The following AGTR1 variants were observed in gnomAD, a reference collection of about 807,000 sequenced individuals.
AGTR1 encodes angiotensin II receptor type 1, also known as type-1 angiotensin II receptor.
In AGTR1, 16 loss-of-function variants were observed where a neutral mutation model predicts 19.4. The ratio of observed to expected loss-of-function variants is 0.82; its 90% CI spans 0.56 to 1.25. The LOEUF (loss-of-function observed/expected upper bound fraction) is 1.25. Ranked by LOEUF, AGTR1 falls within the 50% of genes most tolerant of loss-of-function variation. The pLI is 0.00. For synonymous variants in AGTR1, 153 were observed against 154.9 expected (o/e 0.99, Z 0.09); for missense variants, 373 against 431.9 (o/e 0.86, Z 1.21).
intron 1 of AGTR1, among the ~76,000 whole-genome samples, chr3:148,704,169 T>A (rs1712521525): frequency 6.6e-6 from 1 of 151,956 alleles, no homozygotes; most frequent in South Asian, 2.1e-4. Context: ...GGCAACAAAC[T>A]GAGACCCCCA....
In AGTR1 at chr3:148,742,054, G is replaced by T. The variant is rs377193123; in HGVS notation, c.1019G>T (p.Arg340Leu). ...ACAAAAATGAGCACGCTTTCCTACC[G>T]CCCCTCAGATAATGTAAGCTCATCC... ...LSTKMSTLSY[R>L]PSDNVSSSTK... Residue 340 changes from arginine to leucine, a missense_variant, in exon 3 of 3, where the codon CGC becomes CTC. By Grantham distance (102) the Arg-to-Leu change is moderately radical. Coordinates refer to ENST00000349243, the MANE Select transcript of AGTR1 (RefSeq NM_000685.5). 2 of 1,613,372 alleles carry T rather than the reference G, an allele frequency of 1.2e-6. No individual in the cohort carries two copies. Among genetic ancestry groups the T allele is most frequent in the African/African-American group, 1.3e-5 (1 of 74,718 alleles).
intron 2 of AGTR1, among the ~76,000 whole-genome samples, chr3:148,718,950 C>T (rs1391725889): frequency 6.6e-6 from 1 of 152,156 alleles, no homozygotes; most frequent in Non-Finnish European, 1.5e-5. Flanking sequence ...TGAAGGTGTG[C>T]TCAGCTGTCT....
rs1280576095 is a variant in AGTR1 at position 148,742,861 on chromosome 3, A to G, written c.*746A>G. Reference sequence around the variant, plus strand: ...ATAGTTTGTGGTAAAAAGATTATATATCATAAAGTATGCCTTCCTGTTTAA... The same window carrying G: ...ATAGTTTGTGGTAAAAAGATTATATGTCATAAAGTATGCCTTCCTGTTTAA... On this transcript the variant is annotated 3_prime_UTR_variant, in exon 3 of 3. Coordinates refer to ENST00000349243, the MANE Select transcript of AGTR1 (RefSeq NM_000685.5). 1 of 167,190 alleles carries G rather than the reference A, an allele frequency of 6.0e-6. No homozygotes were observed. Among genetic ancestry groups the G allele is most frequent in the Non-Finnish European group, 1.5e-5 (1 of 68,232 alleles). 10.4% of individuals were successfully genotyped at this position (167,190 alleles called of 1,614,324 possible).
chr3:148,727,825 A>G (rs868368317), intron 2 of AGTR1, among the ~76,000 whole-genome samples: 3 of 152,234 alleles, frequency 2.0e-5, no homozygotes, highest in Non-Finnish European at 4.4e-5. Context: ...AATTTATTTC[A>G]TAAAAGGTGA....
intron 2 of AGTR1, 58 bp from the exon 3 acceptor site, chr3:148,740,931 A>AGTTT (rs1322954166): frequency 8.4e-6 from 12 of 1,433,796 alleles, no homozygotes; most frequent in South Asian, 6.2e-5. Context: ...AATGTTTGTT[A>AGTTT]GTTTGTTTGT....
rs370495451 is a variant in AGTR1, at chr3:148,741,741, G to C, written c.706G>C (p.Asp236His). ...AATTCAGAAGAACAAACCAAGAAATGATGATATTTTTAAGATAATTATGGC... is the reference window on the plus strand; with the variant it reads ...AATTCAGAAGAACAAACCAAGAAATCATGATATTTTTAAGATAATTATGGC... ...YEIQKNKPRN[D>H]DIFKIIMAIV... The change falls in exon 3 of 3, where the codon GAT (aspartate) becomes CAT (histidine). Residue 236 changes from aspartate to histidine, a missense_variant. By Grantham distance (81) the Asp-to-His change is moderately conservative (BLOSUM62 -1). Transcript: ENST00000349243. 34 of 1,613,708 alleles carry C rather than the reference G, an allele frequency of 2.1e-5. No individual in the cohort carries two copies. The highest frequency in any genetic ancestry group is 2.8e-5 in the Non-Finnish European group (33 of 1,179,976).
At chr3:148,712,625 A>C (rs901198759) in intron 2 of AGTR1, among the ~76,000 whole-genome samples, 2 of 152,230 alleles carry the variant, frequency 1.3e-5, no homozygotes, top group Admixed American at 1.3e-4. Context: ...CAGCCTGGTC[A>C]GTGAACAGAG....
At position 148,726,429 on chromosome 3, in the gene AGTR1, G is replaced by A. The variant is rs7613893; in HGVS notation, c.-47-14560G>A. On this transcript the variant is annotated intron_variant, in intron 2 of 2. Coordinates refer to ENST00000349243, the MANE Select transcript of AGTR1 (RefSeq NM_000685.5). ...TCACCATGCTGGCCAGGCTGGTCTC[G>A]AGCTCCTGACCTTGTGATCCGCCCA... Among the ~76,000 whole-genome samples the A allele has an allele frequency of 5.2e-3, 792 of 152,092 alleles. 7 individuals are homozygous for A. Among genetic ancestry groups the A allele is most frequent in the African/African-American group, 0.018 (734 of 41,490 alleles).
At chr3:148,699,585 A>AT (rs1712202761) in intron 1 of AGTR1, among the ~76,000 whole-genome samples, 1 of 89,456 alleles carries the variant, frequency 1.1e-5, no homozygotes, top group Admixed American at 9.3e-5. Flanking sequence ...GTGTGATAGT[A>AT]AGAGCATTAT....
chr3:148,701,741 A>AAATGGGTAAAAAATGAG (rs1260380605), intron 1 of AGTR1, among the ~76,000 whole-genome samples: 2 of 152,154 alleles, frequency 1.3e-5, no homozygotes, highest in Non-Finnish European at 1.5e-5. Context: ...TATTATTACA[A>AAATGGGTAAAAAATGAG]TGTGCCTTCC....
chr3:148,709,855 A>G (rs999001467), intron 2 of AGTR1, among the ~76,000 whole-genome samples: 1 of 152,198 alleles, frequency 6.6e-6, no homozygotes, highest in African/African-American at 2.4e-5. Context: ...GCTGAAATCT[A>G]CTCATGACAA....
intron 1 of AGTR1, among the ~76,000 whole-genome samples, chr3:148,703,415 G>GT (rs1712469297): frequency 6.6e-6 from 1 of 152,154 alleles, no homozygotes; most frequent in African/African-American, 2.4e-5. Flanking sequence ...ACAGTGTACC[G>GT]TACCTGTGGC....
chr3:148,709,816 A>C (rs1413454496), intron 2 of AGTR1, among the ~76,000 whole-genome samples: 1 of 152,184 alleles, frequency 6.6e-6, no homozygotes, highest in Non-Finnish European at 1.5e-5. Context: ...AGCACTTCAG[A>C]GCTTGTTTCA....
At chr3:148,712,703 A>G (rs531600750) in intron 2 of AGTR1, among the ~76,000 whole-genome samples, 1 of 152,330 alleles carries the variant, frequency 6.6e-6, no homozygotes, top group East Asian at 1.9e-4. Flanking sequence ...TGCTTTGGGA[A>G]AGTGAAAGCA....
intron 2 of AGTR1, among the ~76,000 whole-genome samples, chr3:148,734,637 G>A (rs1714466728): frequency 6.6e-6 from 1 of 152,174 alleles, no homozygotes; most frequent in Admixed American, 6.5e-5. Context: ...AATAGCAGGG[G>A]TGAACAAAAT....
At chr3:148,727,488 C>A (rs1225014302) in intron 2 of AGTR1, among the ~76,000 whole-genome samples, 2 of 152,144 alleles carry the variant, frequency 1.3e-5, no homozygotes, top group African/African-American at 4.8e-5. Flanking sequence ...AGGTGGCTTC[C>A]TCCCTTCAGT....
At chr3:148,733,421 A>G (rs138106466) in intron 2 of AGTR1, among the ~76,000 whole-genome samples, 10 of 152,366 alleles carry the variant, frequency 6.6e-5, no homozygotes, top group African/African-American at 2.4e-4. Context: ...CAAATTAATT[A>G]GTACCTCTTT....
intron 2 of AGTR1, among the ~76,000 whole-genome samples, chr3:148,718,064 G>A (rs1576529602): frequency 6.6e-6 from 1 of 152,190 alleles, no homozygotes; most frequent in East Asian, 1.9e-4. Flanking sequence ...TAAAGTGACA[G>A]ACTGAGAGGG....
rs375320868 is a variant in AGTR1, at chr3:148,741,755, G to T, written c.720G>T (p.Lys240Asn). 1.2e-6 allele frequency: 2 copies of T among 1,613,462 alleles called. No homozygotes were observed. The highest frequency in any genetic ancestry group is 1.3e-5 in the African/African-American group (1 of 74,918). Residue 240 changes from lysine to asparagine, a missense_variant, in exon 3 of 3, where the codon AAG becomes AAT. Lys to Asn is a moderately conservative substitution (Grantham distance 94). Transcript: ENST00000349243. Reference protein sequence around the residue: ...KNKPRNDDIFKIIMAIVLFFF... With the variant: ...KNKPRNDDIFNIIMAIVLFFF... Reference sequence around the variant, plus strand: ...AACCAAGAAATGATGATATTTTTAAGATAATTATGGCAATTGTGCTTTTCT... The same window carrying T: ...AACCAAGAAATGATGATATTTTTAATATAATTATGGCAATTGTGCTTTTCT...
Sources: allele counts gnomAD v4.1 joint callset (sites outside exome capture counted in the v4.1 genomes callset), GRCh38; gene constraint gnomAD v4.1.1; transcripts MANE v1.5; gene names NCBI Gene and HGNC (gene_info 2026-07-23, HGNC 2026-07-21).